VPS50: variants seen among roughly 807,000 people sequenced by gnomAD.
VPS50 encodes syndetin.
In VPS50, 70 loss-of-function variants were observed where a neutral mutation model predicts 139.7. The observed-to-expected ratio is 0.50, with a 90% CI of 0.41 to 0.61. The LOEUF (loss-of-function observed/expected upper bound fraction) is 0.61. Ranked by LOEUF, VPS50 falls within the 20% of genes least tolerant of loss-of-function variation. VPS50 has a pLI of 0.00. For missense variants in VPS50, 921 were observed against 1,133.7 expected, an observed-to-expected ratio of 0.81 and a Z score of 2.69; for synonymous variants, 365 against 376.7, an observed-to-expected ratio of 0.97 and a Z score of 0.36.
chr7:93,259,607 A>C lies in VPS50; in HGVS notation c.634A>C (p.Thr212Pro). The C allele has an allele frequency of 6.3e-7, 1 of 1,593,814 alleles. No homozygotes were observed. Among genetic ancestry groups the C allele is most frequent in the South Asian group, 1.1e-5 (1 of 90,522 alleles). The change falls in exon 9 of 28, where the codon ACT (threonine) becomes CCT (proline). Residue 212 changes from threonine (T) to proline (P), a missense_variant. Thr to Pro is a conservative substitution (Grantham distance 38, BLOSUM62 -1). This residue lies in a region of VPS50 where 744 missense variants were observed against 930.6 expected (regional missense o/e 0.80). Transcript: ENST00000305866. ...CCTTGAATGTCAAAAAGCTGCCAGC[A>C]CTTTTAAACATTACAGTTGTATAAG... Reference protein sequence around the residue: ...LCLECQKAASTFKHYSCISEL... With the variant: ...LCLECQKAASPFKHYSCISEL...
intron 22 of VPS50, among the ~76,000 whole-genome samples, chr7:93,335,690 TATAACCTTG>T (rs1161130809): frequency 2.0e-5 from 3 of 152,210 alleles, no homozygotes; most frequent in Non-Finnish European, 4.4e-5. Flanking sequence ...GATACTTAAG[TATAACCTTG>T]AGCATCAAAT....
At chr7:93,327,592 T>G (rs965717631) in intron 21 of VPS50, among the ~76,000 whole-genome samples, 6 of 152,336 alleles carry the variant, frequency 3.9e-5, no homozygotes, top group Admixed American at 1.3e-4. Context: ...TAAACCATTT[T>G]CAATTCTGTA....
chr7:93,286,349 A>G (rs565054265), intron 12 of VPS50, among the ~76,000 whole-genome samples: 2 of 152,274 alleles, frequency 1.3e-5, no homozygotes, highest in South Asian at 4.1e-4. Context: ...CTGCTATGAT[A>G]TTCCTAGTAT....
intron 19 of VPS50, 40 bp downstream of exon 19, chr7:93,308,982 T>G: frequency 9.3e-7 from 1 of 1,076,534 alleles, no homozygotes; most frequent in Non-Finnish European, 1.4e-6. Flanking sequence ...GCATTTTATC[T>G]TGTGCTCTTA....
At chr7:93,294,524 T>C (rs1796745768) in intron 13 of VPS50, 21 bp from the exon 14 acceptor site, 2 of 1,491,848 alleles carry the variant, frequency 1.3e-6, no homozygotes, top group South Asian at 1.4e-5. Flanking sequence ...TCTAAAAATA[T>C]ATATTGTCTT....
intron 2 of VPS50, among the ~76,000 whole-genome samples, chr7:93,244,675 TAGAG>T (rs1795097785): frequency 6.6e-6 from 1 of 151,882 alleles, no homozygotes; most frequent in Non-Finnish European, 1.5e-5. Flanking sequence ...GTGTCTGTAT[TAGAG>T]AGGATTAGTA....
intron 2 of VPS50, among the ~76,000 whole-genome samples, chr7:93,251,008 TC>T (rs1795308948): frequency 6.6e-6 from 1 of 152,162 alleles, no homozygotes; most frequent in African/African-American, 2.4e-5. Flanking sequence ...AGAATGGCGA[TC>T]ATTAAAAAGT....
chr7:93,288,475 A>G (rs1335642963), intron 12 of VPS50, among the ~76,000 whole-genome samples: 1 of 152,196 alleles, frequency 6.6e-6, no homozygotes, highest in Non-Finnish European at 1.5e-5. Context: ...TGTTTGAGGT[A>G]TACCTTCAGT....
intron 12 of VPS50, among the ~76,000 whole-genome samples, chr7:93,283,361 C>G (rs1400149536): frequency 6.6e-6 from 1 of 151,868 alleles, no homozygotes; most frequent in Non-Finnish European, 1.5e-5. Context: ...CTCAGCTTCC[C>G]AAGTAGTTGG....
chr7:93,263,495 C>T (rs1795749682), intron 9 of VPS50, among the ~76,000 whole-genome samples: 1 of 152,042 alleles, frequency 6.6e-6, no homozygotes, highest in African/African-American at 2.4e-5. Context: ...TACTTGTCTA[C>T]TTGTTAATTT....
rs779751321 is a variant in VPS50, at chr7:93,311,179, A to G, written c.1762A>G (p.Thr588Ala). 21 of 1,280,950 alleles carry G rather than the reference A, an allele frequency of 1.6e-5. No individual in the cohort carries two copies. The highest frequency in any genetic ancestry group is 2.4e-5 in the Non-Finnish European group (21 of 876,236). 79.3% of individuals were successfully genotyped at this position (1,280,950 alleles called of 1,614,324 possible). ...DGPVKSVSRE[T>A]LKSRKKSDYS... ...TTCCATATCAAGTGTTTCTCGGGAA[A>G]CTCTAAAAAGCAGGAAGAAATCAGA... The change falls in exon 20 of 28, where the codon ACT becomes GCT. Residue 588 changes from threonine (T) to alanine (A), a missense_variant. Transcript: ENST00000305866.
intron 2 of VPS50, among the ~76,000 whole-genome samples, chr7:93,248,622 A>C (rs559095900): frequency 6.6e-5 from 10 of 152,250 alleles, no homozygotes; most frequent in African/African-American, 2.4e-4. Context: ...CATTTTTTGC[A>C]ATTAACTGTA....
rs775657668 is a variant in VPS50 at position 93,353,734 on chromosome 7, G to A, written c.2558G>A (p.Arg853Gln). ...AATATACTTTGGGAACATTGTATAC[G>A]ATTGGCTAATCGAACTATTGTAGAA... Reference protein sequence around the residue: ...VSNILWEHCIRLANRTIVEGY... With the variant: ...VSNILWEHCIQLANRTIVEGY... The change falls in exon 26 of 28, where the codon CGA becomes CAA. Residue 853 changes from arginine (R) to glutamine (Q), a missense_variant. Arg to Gln is a conservative substitution (Grantham distance 43, BLOSUM62 1). Transcript: ENST00000305866. The A allele has an allele frequency of 1.4e-5, 23 of 1,610,148 alleles. No homozygotes were observed. Among genetic ancestry groups the A allele is most frequent in the Non-Finnish European group, 2.0e-5 (23 of 1,177,702 alleles).
intron 21 of VPS50, among the ~76,000 whole-genome samples, chr7:93,327,595 A>G (rs1450402692): frequency 1.3e-5 from 2 of 152,208 alleles, no homozygotes; most frequent in Non-Finnish European, 2.9e-5. Context: ...ACCATTTTCA[A>G]TTCTGTAAGA....
intron 27 of VPS50, among the ~76,000 whole-genome samples, chr7:93,357,296 A>G (rs950723975): frequency 6.6e-6 from 1 of 152,076 alleles, no homozygotes; most frequent in Admixed American, 6.6e-5. Flanking sequence ...AATATAGTAG[A>G]CTGATTTTTT....
chr7:93,335,151 T>C (rs1474094665), intron 22 of VPS50, among the ~76,000 whole-genome samples: 1 of 152,170 alleles, frequency 6.6e-6, no homozygotes, highest in Non-Finnish European at 1.5e-5. Flanking sequence ...TCTTGGAACT[T>C]GTATTTTTTT....
intron 26 of VPS50, 99 bp downstream of exon 26, chr7:93,353,860 A>G (rs777841714): frequency 6.5e-5 from 62 of 959,104 alleles, no homozygotes; most frequent in Admixed American, 1.2e-4. Context: ...AGTAGAAATA[A>G]TAACAACTAG....
chr7:93,240,898 G>A, intron 2 of VPS50, among the ~76,000 whole-genome samples: 1 of 152,026 alleles, frequency 6.6e-6, no homozygotes, highest in East Asian at 1.9e-4. Flanking sequence ...TTCTCCAAAT[G>A]CAATAAAATT....
chr7:93,331,294 G>A (rs1242572233), intron 21 of VPS50, among the ~76,000 whole-genome samples: 1 of 146,988 alleles, frequency 6.8e-6, no homozygotes, highest in Non-Finnish European at 1.5e-5. Context: ...AAAAGCAAAA[G>A]ATTCATAATG....
Sources: allele counts gnomAD v4.1 joint callset (sites outside exome capture counted in the v4.1 genomes callset), GRCh38; gene constraint gnomAD v4.1.1; regional missense constraint gnomAD v4.1.1; transcripts MANE v1.5; gene names NCBI Gene and HGNC (gene_info 2026-07-23, HGNC 2026-07-21).